Variants in SEL1L observed in about 807,000 individuals in gnomAD.
SEL1L encodes SEL1L adaptor subunit of SYVN1 ubiquitin ligase.
SEL1L carries 52 observed loss-of-function variants against 109.8 expected under a neutral mutation model. That is an observed-to-expected ratio of 0.47 (90% CI 0.38 to 0.60). SEL1L has a LOEUF of 0.60. SEL1L is among the 20% of genes least tolerant of loss of function. SEL1L has a pLI of 0.00. For missense variants in SEL1L, 749 were observed against 962.2 expected (o/e 0.78, Z 2.93); for synonymous variants, 373 against 339.6 (o/e 1.10, Z -1.08).
At chr14:81,477,466 C>A (rs368894738) in intron 20 of SEL1L, among the ~76,000 whole-genome samples, 1 of 151,958 alleles carries the variant, frequency 6.6e-6, no homozygotes, top group East Asian at 1.9e-4. Flanking sequence ...TAATCCAATA[C>A]GCTAATTTTA....
In SEL1L at chr14:81,502,707, G is replaced by C. The variant is rs778622870; in HGVS notation, c.777+14C>G. 6.2e-7 allele frequency: 1 copy of C among 1,611,648 alleles called. No individual in the cohort carries two copies. The highest frequency in any genetic ancestry group is 1.1e-5 in the South Asian group (1 of 90,774). ...GTTACATGCAGAGAGATTCTTCACT[G>C]AGAATGTACTTACAGTCTGTCCCTT... On this transcript the variant is annotated intron_variant, in intron 6 of 20. Coordinates refer to ENST00000336735, the MANE Select transcript of SEL1L (RefSeq NM_005065.6).
intron 6 of SEL1L, among the ~76,000 whole-genome samples, chr14:81,501,631 G>A (rs1884013057): frequency 6.6e-6 from 1 of 152,110 alleles, no homozygotes; most frequent in South Asian, 2.1e-4. Flanking sequence ...CTTCCCTTGT[G>A]ATTAGATATT....
intron 10 of SEL1L, among the ~76,000 whole-genome samples, chr14:81,497,364 C>G (rs1230996421): frequency 6.6e-6 from 1 of 152,198 alleles, no homozygotes; most frequent in Non-Finnish European, 1.5e-5. Context: ...GCCACGAAAC[C>G]TGTGTGTGCA....
intron 6 of SEL1L, among the ~76,000 whole-genome samples, chr14:81,501,619 G>C (rs981064832): frequency 4.1e-4 from 62 of 152,238 alleles, no homozygotes; most frequent in African/African-American, 1.4e-3. Flanking sequence ...TTTGAAAACA[G>C]ACTTCCCTTG....
intron 19 of SEL1L, among the ~76,000 whole-genome samples, chr14:81,481,732 CTT>C (rs1360506637): frequency 2.0e-5 from 3 of 152,018 alleles, no homozygotes; most frequent in African/African-American, 7.3e-5. Flanking sequence ...ATCACGATGT[CTT>C]ATAAAAAAAG....
intron 6 of SEL1L, among the ~76,000 whole-genome samples, chr14:81,502,094 G>A (rs2140017480): frequency 1.3e-5 from 2 of 152,046 alleles, no homozygotes; most frequent in East Asian, 3.9e-4. Context: ...AACATCATAT[G>A]AACATAGTGT....
intron 3 of SEL1L, among the ~76,000 whole-genome samples, chr14:81,511,090 G>T (rs1277789294): frequency 6.6e-6 from 1 of 152,186 alleles, no homozygotes; most frequent in Admixed American, 6.5e-5. Flanking sequence ...TATGTAATTT[G>T]CTACAGACTG....
In SEL1L at chr14:81,479,736, A is replaced by T; in HGVS notation, c.2051T>A (p.Ile684Asn). Residue 684 changes from isoleucine to asparagine, a missense_variant, in exon 20 of 21, where the codon ATT (isoleucine) becomes AAT (asparagine). Ile to Asn is a moderately radical substitution (Grantham distance 149). Coordinates refer to ENST00000336735, the MANE Select transcript of SEL1L (RefSeq NM_005065.6). ...GTCATAAAAACGTTTCGCAAGGTGAATATCCTATAATACAGGTAAGAAACA... is the reference window on the plus strand; with the variant it reads ...GTCATAAAAACGTTTCGCAAGGTGATTATCCTATAATACAGGTAAGAAACA... The part of the protein sequence containing the change: ...HEKGLGIKQD[I>N]HLAKRFYDMA... The T allele has an allele frequency of 6.2e-7, 1 of 1,611,308 alleles. No homozygotes were observed. Among genetic ancestry groups the T allele is most frequent in the South Asian group, 1.1e-5 (1 of 90,464 alleles).
intron 3 of SEL1L, 85 bp from the exon 4 acceptor site, chr14:81,506,326 A>G: frequency 8.3e-7 from 1 of 1,208,888 alleles, no homozygotes; most frequent in South Asian, 1.7e-5. Flanking sequence ...TGGCTGTTGG[A>G]ATTTGAAGCA....
chr14:81,480,393 G>C (rs1462303527), intron 19 of SEL1L, among the ~76,000 whole-genome samples: 4 of 152,116 alleles, frequency 2.6e-5, no homozygotes, highest in South Asian at 2.1e-4. Flanking sequence ...GTTTCACCGT[G>C]TTCGCCAGGA....
intron 3 of SEL1L, among the ~76,000 whole-genome samples, chr14:81,516,739 C>A (rs1884716120): frequency 6.6e-6 from 1 of 152,188 alleles, no homozygotes; most frequent in African/African-American, 2.4e-5. Context: ...ACTCCAGGCA[C>A]TGGGTCTCTA....
intron 5 of SEL1L, 23 bp from the exon 6 acceptor site, chr14:81,502,906 A>T: frequency 1.9e-6 from 3 of 1,559,540 alleles, no homozygotes; most frequent in East Asian, 2.3e-5. Context: ...ACAATTAAAA[A>T]CCAAATTAGT....
Position 81,532,680 on chromosome 14 carries a change from T to C in SEL1L, c.70+995A>G, listed in dbSNP as rs114279829. Among the ~76,000 whole-genome samples the C allele has an allele frequency of 9.8e-3, 1,491 of 152,200 alleles. 25 individuals carry two copies. The highest frequency in any genetic ancestry group is 0.034 in the African/African-American group (1,413 of 41,504). On this transcript the variant is annotated intron_variant, in intron 1 of 20. Coordinates refer to ENST00000336735, the MANE Select transcript of SEL1L (RefSeq NM_005065.6). ...ATTGATTTACAACTAGGACAGGTAATTTGGGGATTCAGATAACCATCTGGG... is the reference window on the plus strand; with the variant it reads ...ATTGATTTACAACTAGGACAGGTAACTTGGGGATTCAGATAACCATCTGGG...
At chr14:81,508,438 G>A (rs550870229) in intron 3 of SEL1L, among the ~76,000 whole-genome samples, 19 of 152,082 alleles carry the variant, frequency 1.2e-4, no homozygotes, top group Middle Eastern at 3.4e-3. Flanking sequence ...CAAATCTGCC[G>A]CTGCTTTAGA....
At chr14:81,510,086 C>T (rs374042214) in intron 3 of SEL1L, among the ~76,000 whole-genome samples, 1 of 152,142 alleles carries the variant, frequency 6.6e-6, no homozygotes, top group Non-Finnish European at 1.5e-5. Context: ...CAAGATCAGA[C>T]AAATTCTAAG....
chr14:81,520,068 A>T (rs898210302), intron 3 of SEL1L, among the ~76,000 whole-genome samples: 1 of 152,146 alleles, frequency 6.6e-6, no homozygotes. Flanking sequence ...TGGTAGCAAC[A>T]TGATTGAGAG....
chr14:81,504,024 C>A (rs951691297), intron 5 of SEL1L, among the ~76,000 whole-genome samples, 177 bp downstream of exon 5: 2 of 152,090 alleles, frequency 1.3e-5, no homozygotes, highest in Non-Finnish European at 2.9e-5. Flanking sequence ...TTTACCTTAA[C>A]TAAAGTGTGG....
intron 3 of SEL1L, among the ~76,000 whole-genome samples, chr14:81,516,819 C>T (rs1306194660): frequency 2.0e-5 from 3 of 152,132 alleles, no homozygotes. Flanking sequence ...TTAAGTGATC[C>T]TGCATCAGTT....
chr14:81,530,690 T>G (rs1336064557), intron 1 of SEL1L, among the ~76,000 whole-genome samples: 2 of 152,218 alleles, frequency 1.3e-5, no homozygotes, highest in Non-Finnish European at 2.9e-5. Flanking sequence ...TGTCCTCCTT[T>G]AAATTTATTA....
Sources: gnomAD v4.1 joint callset for allele counts (sites outside exome capture counted in the v4.1 genomes callset) on GRCh38, gnomAD v4.1.1 for gene constraint, MANE v1.5 for transcripts, NCBI Gene and HGNC (gene_info 2026-07-23, HGNC 2026-07-21) for gene names.